Variants in ARPC1A observed in about 807,000 individuals in gnomAD.
ARPC1A encodes actin related protein 2/3 complex subunit 1A, also known as actin-related protein 2/3 complex subunit 1A.
Under a neutral mutation model 46.9 loss-of-function variants are expected in ARPC1A, and 8 were observed. The observed-to-expected ratio is 0.17, with a 90% confidence interval of 0.10 to 0.31. ARPC1A has a LOEUF of 0.31. Ranked by LOEUF, ARPC1A falls within the 10% of genes least tolerant of loss-of-function variation. ARPC1A has a pLI of 1.00. For synonymous variants in ARPC1A, 152 were observed against 169.0 expected (o/e 0.90, Z 0.78); for missense variants, 286 against 483.6 (o/e 0.59, Z 3.83).
intron 3 of ARPC1A, among the ~76,000 whole-genome samples, chr7:99,342,066 A>T (rs1006239785): frequency 1.3e-5 from 2 of 152,206 alleles, no homozygotes; most frequent in African/African-American, 2.4e-5. Context: ...AAAATTTTAA[A>T]CAGATTTTTA....
At chr7:99,334,020 C>CGTGTGT in intron 2 of ARPC1A, among the ~76,000 whole-genome samples, 1 of 140,968 alleles carries the variant, frequency 7.1e-6, no homozygotes, top group Admixed American at 7.0e-5. Context: ...CACACACACA[C>CGTGTGT]ACACACACAC....
At position 99,358,425 on chromosome 7, in the gene ARPC1A, T is replaced by C. The variant is rs374374214; in HGVS notation, c.789+10T>C. The C allele has an allele frequency of 6.2e-7, 1 of 1,612,826 alleles. No individual in the cohort carries two copies. The highest frequency in any genetic ancestry group is 1.3e-5 in the African/African-American group (1 of 74,858). ...CAGCGTCGTGGCTGCTGTGAGTATT[T>C]TTCTTCATTCTCCCTCGGGGTGCAC... On this transcript the variant is annotated intron_variant, in intron 7 of 9. Transcript: ENST00000262942.
At chr7:99,345,480 G>T (rs1304589878) in intron 4 of ARPC1A, among the ~76,000 whole-genome samples, 2 of 151,996 alleles carry the variant, frequency 1.3e-5, no homozygotes, top group Admixed American at 6.6e-5. Flanking sequence ...GGCCAAGATG[G>T]TGAAACCCCA....
intron 3 of ARPC1A, among the ~76,000 whole-genome samples, chr7:99,342,304 G>T (rs939471220): frequency 6.6e-6 from 1 of 152,068 alleles, no homozygotes; most frequent in African/African-American, 2.4e-5. Flanking sequence ...TGTAATCCCA[G>T]TGCTTTGGGA....
Position 99,348,890 on chromosome 7 carries a change from C to A in ARPC1A, c.431C>A (p.Thr144Lys). The stretch of plus-strand genomic sequence containing the variant: ...CACATTAAAAAGCCGATTCGCTCCA[C>A]AGTCCTCAGCTTGGATTGGCATCCC... ...SKHIKKPIRS[T>K]VLSLDWHPNN... is the part of the protein sequence containing the mutation. The change falls in exon 5 of 10, where the codon ACA (threonine) becomes AAA (lysine). Residue 144 changes from threonine to lysine, a missense_variant. By Grantham distance (78) the Thr-to-Lys change is moderately conservative. This residue lies in a region of ARPC1A where 11 missense variants were observed against 32.4 expected (regional missense o/e 0.34). Coordinates refer to ENST00000262942, the MANE Select transcript of ARPC1A (RefSeq NM_006409.4). 6.2e-7 allele frequency: 1 copy of A among 1,614,110 alleles called. No individual in the cohort carries two copies. Among genetic ancestry groups the A allele is most frequent in the Non-Finnish European group, 8.5e-7 (1 of 1,179,978 alleles).
chr7:99,348,811 T>G, intron 4 of ARPC1A, 41 bp from the exon 5 acceptor site: 1 of 1,539,664 alleles, frequency 6.5e-7, no homozygotes, highest in Non-Finnish European at 8.9e-7. Context: ...TTGGGGATGC[T>G]GGTTGAGTGG....
intron 5 of ARPC1A, among the ~76,000 whole-genome samples, chr7:99,352,381 G>C (rs1793557422): frequency 6.6e-6 from 1 of 152,156 alleles, no homozygotes; most frequent in Admixed American, 6.6e-5. Context: ...GATTAGCTAG[G>C]CGCAGTGGCA....
intron 4 of ARPC1A, 63 bp from the exon 5 acceptor site, chr7:99,348,789 T>G: frequency 7.7e-7 from 1 of 1,302,034 alleles, no homozygotes; most frequent in Non-Finnish European, 1.1e-6. Flanking sequence ...CTGACATACA[T>G]TTGTAGGTCA....
chr7:99,339,258 C>G (rs966215943), intron 3 of ARPC1A, among the ~76,000 whole-genome samples: 6 of 152,166 alleles, frequency 3.9e-5, no homozygotes, highest in Admixed American at 1.3e-4. Context: ...TATTCATAAA[C>G]AAGCTTAGGC....
intron 5 of ARPC1A, among the ~76,000 whole-genome samples, chr7:99,350,747 G>A (rs1275783160): frequency 1.4e-5 from 2 of 143,126 alleles, no homozygotes; most frequent in Non-Finnish European, 3.0e-5. Flanking sequence ...CCGGACTCAA[G>A]CAATCCTCCC....
intron 6 of ARPC1A, among the ~76,000 whole-genome samples, chr7:99,356,353 C>T (rs1394111888): frequency 1.3e-5 from 2 of 152,134 alleles, no homozygotes; most frequent in Non-Finnish European, 2.9e-5. Context: ...GCCTGTAATC[C>T]CAGCACTTTG....
intron 2 of ARPC1A, among the ~76,000 whole-genome samples, chr7:99,336,718 T>G (rs1429194552): frequency 1.3e-5 from 2 of 152,124 alleles, no homozygotes; most frequent in Admixed American, 1.3e-4. Context: ...GGTCTCGAAC[T>G]CCTGATCACA....
At chr7:99,362,640 C>T (rs1709083574) in intron 8 of ARPC1A, among the ~76,000 whole-genome samples, 1 of 151,504 alleles carries the variant, frequency 6.6e-6, no homozygotes, top group African/African-American at 2.4e-5. Context: ...CTGCACCTGG[C>T]CTTTGTTGTT....
At chr7:99,362,025 A>G (rs1793748936) in intron 8 of ARPC1A, among the ~76,000 whole-genome samples, 1 of 152,058 alleles carries the variant, frequency 6.6e-6, no homozygotes, top group Non-Finnish European at 1.5e-5. Flanking sequence ...TCAGGTGCAG[A>G]GGCTCACGCC....
At chr7:99,331,089 A>G (rs886479124) in intron 1 of ARPC1A, among the ~76,000 whole-genome samples, 2 of 152,204 alleles carry the variant, frequency 1.3e-5, no homozygotes, top group African/African-American at 4.8e-5. Context: ...CACATTCTAT[A>G]TATTTTCTGT....
Position 99,359,632 on chromosome 7 carries a change from A to G in ARPC1A, c.877A>G (p.Ile293Val), listed in dbSNP as rs1793706037. The change falls in exon 8 of 10, where the codon ATC becomes GTC. Residue 293 changes from isoleucine (I) to valine (V), a missense_variant. By Grantham distance (29) the Ile-to-Val change is conservative (BLOSUM62 3). Around this residue, in one of 5 missense-constraint regions of ARPC1A, gnomAD observed 182 missense variants for 276.7 expected, o/e 0.66. Transcript: ENST00000262942. ...CAAGTTAGATATTCCAAAACAGAGC[A>G]TCCAACGCAACATGTCTGCCATGGA... Reference protein sequence around the residue: ...VSKLDIPKQSIQRNMSAMERF... With the variant: ...VSKLDIPKQSVQRNMSAMERF... The G allele has an allele frequency of 1.9e-6, 3 of 1,614,010 alleles. No individual in the cohort carries two copies. Among genetic ancestry groups the G allele is most frequent in the Admixed American group, 1.7e-5 (1 of 59,984 alleles).
At position 99,365,892 on chromosome 7, in the gene ARPC1A, C is replaced by T; in HGVS notation, c.1076C>T (p.Thr359Ile). 6.4e-7 allele frequency: 1 copy of T among 1,573,452 alleles called. No homozygotes were observed. ...AGTGCTCTTCCCACCTTTTCCAAGA[C>T]CCTCGAGTCTTCCATCCAGGGCCTC... ...DGAMTIWDFKTLESSIQGLRI... is the reference protein window; with the variant it reads ...DGAMTIWDFKILESSIQGLRI... Residue 359 changes from threonine to isoleucine, a missense_variant and splice_region_variant, in exon 10 of 10, where the codon ACC becomes ATC. By Grantham distance (89) the Thr-to-Ile change is moderately conservative. Around this residue, in one of 5 missense-constraint regions of ARPC1A, gnomAD observed 182 missense variants for 276.7 expected, o/e 0.66. Coordinates refer to ENST00000262942, the MANE Select transcript of ARPC1A (RefSeq NM_006409.4).
chr7:99,340,058 G>A (rs752151656), intron 3 of ARPC1A: 20 of 454,174 alleles, frequency 4.4e-5, no homozygotes, highest in Non-Finnish European at 8.4e-5. Context: ...ACTTTCAGAC[G>A]TGTATTAGCC....
chr7:99,358,415 T>C lies in ARPC1A; in HGVS notation c.789T>C (p.Ala263=), dbSNP rs746284079. The C allele has an allele frequency of 1.2e-6, 2 of 1,613,886 alleles. No homozygotes were observed. Among genetic ancestry groups the C allele is most frequent in the Non-Finnish European group, 1.7e-6 (2 of 1,179,816 alleles). The change falls in exon 7 of 10, where the codon GCT becomes GCC. Residue 263 remains alanine (A), a splice_region_variant and synonymous_variant. Coordinates refer to ENST00000262942, the MANE Select transcript of ARPC1A (RefSeq NM_006409.4). ...TCTCAGAGAACAGCGTCGTGGCTGC[T>C]GTGAGTATTTTTCTTCATTCTCCCT... The part of the protein sequence containing the change: ...SFVSENSVVA[A]GHDCCPMLFN...
Sources: allele counts gnomAD v4.1 joint callset (sites outside exome capture counted in the v4.1 genomes callset), GRCh38; gene constraint gnomAD v4.1.1; regional missense constraint gnomAD v4.1.1; transcripts MANE v1.5; gene names NCBI Gene and HGNC (gene_info 2026-07-23, HGNC 2026-07-21).